The following TRAPPC12 variants were observed in gnomAD, a reference collection of about 807,000 sequenced individuals.
The protein encoded by TRAPPC12 is TPR repeat protein 15.
Under a neutral mutation model 69.2 loss-of-function variants are expected in TRAPPC12, and 61 were observed. The observed-to-expected ratio is 0.88, with a 90% confidence interval of 0.72 to 1.09. TRAPPC12 has a LOEUF of 1.09. Ranked by LOEUF, TRAPPC12 falls within the 50% of genes least tolerant of loss-of-function variation. The pLI, the probability that TRAPPC12 is intolerant of heterozygous loss-of-function variation, is 0.00. For synonymous variants in TRAPPC12, 469 were observed against 438.9 expected, an observed-to-expected ratio of 1.07 and a Z score of -0.86; for missense variants, 1,101 against 1,016.4, an observed-to-expected ratio of 1.08 and a Z score of -1.13.
At chr2:3,386,326 A>AT (rs1660489650) in intron 1 of TRAPPC12, among the ~76,000 whole-genome samples, 1 of 152,234 alleles carries the variant, frequency 6.6e-6, no homozygotes, top group Non-Finnish European at 1.5e-5. Context: ...GTAAAACTAC[A>AT]TAAAGTAAAA....
At chr2:3,419,003 T>C (rs1229026899) in intron 3 of TRAPPC12, among the ~76,000 whole-genome samples, 1 of 152,198 alleles carries the variant, frequency 6.6e-6, no homozygotes, top group Non-Finnish European at 1.5e-5. Context: ...TGGTCCTTAC[T>C]GCATCCCCTC....
intron 1 of TRAPPC12, among the ~76,000 whole-genome samples, chr2:3,383,421 C>T (rs1005560380): frequency 2.0e-5 from 3 of 147,360 alleles, no homozygotes; most frequent in Admixed American, 6.8e-5. Flanking sequence ...CCGCCCGAGA[C>T]GGAGTCTTTC....
At chr2:3,421,301 A>C (rs1204334231) in intron 3 of TRAPPC12, among the ~76,000 whole-genome samples, 4 of 152,218 alleles carry the variant, frequency 2.6e-5, no homozygotes, top group Non-Finnish European at 5.9e-5. Context: ...TCCATGTTGA[A>C]GCCGTAACGT....
At chr2:3,386,657 G>T (rs149680546) in intron 1 of TRAPPC12, among the ~76,000 whole-genome samples, 192 of 152,078 alleles carry the variant, frequency 1.3e-3, no homozygotes, top group Non-Finnish European at 2.1e-3. Flanking sequence ...CATGTCATTC[G>T]CACTGTATCA....
chr2:3,434,318 T>G (rs1663629197), intron 5 of TRAPPC12, among the ~76,000 whole-genome samples: 1 of 152,242 alleles, frequency 6.6e-6, no homozygotes, highest in Non-Finnish European at 1.5e-5. Context: ...ATTTATTGTT[T>G]TAATTCTGTG....
intron 5 of TRAPPC12, among the ~76,000 whole-genome samples, chr2:3,430,242 C>T (rs897285497): frequency 6.6e-5 from 10 of 152,168 alleles, no homozygotes; most frequent in Admixed American, 3.9e-4. Context: ...TTGTACATTT[C>T]CCTTTGTACA....
At chr2:3,399,808 T>G in intron 2 of TRAPPC12, among the ~76,000 whole-genome samples, 1 of 136,908 alleles carries the variant, frequency 7.3e-6, no homozygotes, top group African/African-American at 2.8e-5. Context: ...TTTCCCCCGC[T>G]CCCCCCGCCA....
intron 3 of TRAPPC12, among the ~76,000 whole-genome samples, chr2:3,420,316 C>T (rs934587930): frequency 6.6e-6 from 1 of 152,212 alleles, no homozygotes; most frequent in Non-Finnish European, 1.5e-5. Flanking sequence ...GTCTGAAGCT[C>T]AAGGCCCAGC....
chr2:3,458,977 T>C (rs1665333531), intron 7 of TRAPPC12, among the ~76,000 whole-genome samples: 2 of 152,384 alleles, frequency 1.3e-5, no homozygotes, highest in African/African-American at 4.8e-5. Context: ...CATAAGCAGC[T>C]AATGTGTTTT....
intron 8 of TRAPPC12, 45 bp from the exon 9 acceptor site, chr2:3,465,552 G>C (rs1254506147): frequency 1.5e-6 from 2 of 1,350,720 alleles, no homozygotes; most frequent in Non-Finnish European, 2.1e-6. Flanking sequence ...GAAACCCACA[G>C]TGCTGTTCTC....
rs564964701 is a variant in TRAPPC12 at position 3,448,615 on chromosome 2, C to T, written c.1530+4724C>T. ...AGCAGCCGGTTACTCGAGGGTAGGG[C>T]GTCTAGAGCAGCCGGTTACGCGAGG... On this transcript the variant is annotated intron_variant, in intron 6 of 11. Transcript: ENST00000324266. 2.6e-4 allele frequency among the ~76,000 whole-genome samples: 33 copies of T among 126,596 alleles called. No homozygotes were observed. The South Asian group carries it at 7.2e-3, about 27-fold the overall frequency. The allele number at this position is 126,596 out of a possible 152,430, so 83.1% of individuals were successfully genotyped here.
intron 3 of TRAPPC12, among the ~76,000 whole-genome samples, chr2:3,407,557 A>AG (rs1244225676): frequency 6.6e-6 from 1 of 152,058 alleles, no homozygotes; most frequent in South Asian, 2.1e-4. Context: ...AAAATAGAGG[A>AG]GGGGGGAGGC....
intron 5 of TRAPPC12, among the ~76,000 whole-genome samples, chr2:3,440,008 A>G (rs1349218615): frequency 6.6e-6 from 1 of 151,930 alleles, no homozygotes; most frequent in Non-Finnish European, 1.5e-5. Context: ...ATTTGTGAGG[A>G]CCAATTTCTT....
chr2:3,457,864 G>A (rs1247320689), intron 7 of TRAPPC12, 171 bp downstream of exon 7: 43 of 1,440,364 alleles, frequency 3.0e-5, no homozygotes, highest in Non-Finnish European at 3.6e-5. Context: ...GCACATCACT[G>A]GGTGATGCTG....
chr2:3,417,890 A>T (rs2103045057), intron 3 of TRAPPC12, among the ~76,000 whole-genome samples: 1 of 107,690 alleles, frequency 9.3e-6, no homozygotes, highest in East Asian at 3.1e-4. Context: ...TAAAAATACA[A>T]ACTTTAGCCG....
intron 6 of TRAPPC12, among the ~76,000 whole-genome samples, chr2:3,452,216 C>A (rs1016128007): frequency 1.3e-5 from 2 of 152,086 alleles, no homozygotes; most frequent in Non-Finnish European, 2.9e-5. Context: ...GGTTCCTGGC[C>A]TCATGGTTCT....
At chr2:3,440,447 G>A (rs1040895913) in intron 5 of TRAPPC12, among the ~76,000 whole-genome samples, 3 of 151,888 alleles carry the variant, frequency 2.0e-5, no homozygotes, top group Non-Finnish European at 4.4e-5. Context: ...TATTTATGTA[G>A]AAATGATAGT....
intron 3 of TRAPPC12, among the ~76,000 whole-genome samples, chr2:3,406,238 A>T (rs1661724014): frequency 6.6e-6 from 1 of 152,198 alleles, no homozygotes; most frequent in Non-Finnish European, 1.5e-5. Context: ...GTAAGCGCAA[A>T]AACCCAGGCA....
chr2:3,408,352 C>T (rs559988428), intron 3 of TRAPPC12, among the ~76,000 whole-genome samples: 2 of 152,260 alleles, frequency 1.3e-5, no homozygotes, highest in African/African-American at 4.8e-5. Flanking sequence ...TAAAGCTGGG[C>T]GTGGTGGCTC....
Sources: gnomAD v4.1 joint callset for allele counts (sites outside exome capture counted in the v4.1 genomes callset) on GRCh38, gnomAD v4.1.1 for gene constraint, MANE v1.5 for transcripts, NCBI Gene and HGNC (gene_info 2026-07-23, HGNC 2026-07-21) for gene names.